The following SYNPO2 variants were observed in gnomAD, a reference collection of about 807,000 sequenced individuals.
SYNPO2 encodes the protein synaptopodin-2.
A neutral mutation model predicts 85.0 loss-of-function variants in SYNPO2; 56 were observed. The ratio of observed to expected loss-of-function variants is 0.66; its 90% CI spans 0.53 to 0.82. The LOEUF is 0.82. SYNPO2 is among the 40% of genes least tolerant of loss of function. The pLI is 0.00. For synonymous variants in SYNPO2, 602 were observed against 591.1 expected (o/e 1.02, Z -0.27); for missense variants, 1,575 against 1,534.2 (o/e 1.03, Z -0.44).
Position 118,975,598 on chromosome 4 carries a change from T to A in SYNPO2, c.106-47832T>A, listed in dbSNP as rs553848922. 1.6e-4 allele frequency among the ~76,000 whole-genome samples: 24 copies of A among 152,232 alleles called. No homozygotes were observed. In the South Asian group the frequency reaches 5.0e-3, roughly 32 times the overall value. On this transcript the variant is annotated intron_variant, in intron 1 of 4. Coordinates refer to ENST00000307142, the MANE Select transcript of SYNPO2 (RefSeq NM_133477.3). ...GAGGAGGTGCAAGGGGAAATTCCTGTCATAGAAGAGCTGGGTTACCACACA... is the reference window on the plus strand; with the variant it reads ...GAGGAGGTGCAAGGGGAAATTCCTGACATAGAAGAGCTGGGTTACCACACA...
intron 1 of SYNPO2, among the ~76,000 whole-genome samples, chr4:118,863,459 A>G (rs1239312924): frequency 6.6e-6 from 1 of 152,132 alleles, no homozygotes; most frequent in East Asian, 1.9e-4. Flanking sequence ...TGCTTATAGT[A>G]GTCACTAATA....
chr4:118,945,694 GT>G (rs1734474240), intron 1 of SYNPO2, among the ~76,000 whole-genome samples: 3 of 152,124 alleles, frequency 2.0e-5, no homozygotes, highest in African/African-American at 7.2e-5. Flanking sequence ...TTCCTCAAAA[GT>G]TTTTCTTATA....
intron 1 of SYNPO2, among the ~76,000 whole-genome samples, chr4:118,971,073 G>T (rs1048619091): frequency 6.6e-6 from 1 of 152,074 alleles, no homozygotes; most frequent in African/African-American, 2.4e-5. Flanking sequence ...CTAGTGAAAG[G>T]TCCCGTGAGC....
intron 4 of SYNPO2, among the ~76,000 whole-genome samples, chr4:119,056,414 A>G (rs1287014085): frequency 5.9e-5 from 9 of 151,978 alleles, no homozygotes; most frequent in African/African-American, 1.9e-4. Context: ...AAATTTAGCC[A>G]GGCATAGTGG....
chr4:118,857,664 A>G (rs1731530170), intron 1 of SYNPO2, among the ~76,000 whole-genome samples: 1 of 152,242 alleles, frequency 6.6e-6, no homozygotes, highest in African/African-American at 2.4e-5. Flanking sequence ...AAAATTAGTT[A>G]AAAGAAAAGC....
intron 1 of SYNPO2, among the ~76,000 whole-genome samples, chr4:118,977,296 C>T (rs533890864): frequency 3.9e-5 from 6 of 152,356 alleles, no homozygotes; most frequent in Non-Finnish European, 7.4e-5. Flanking sequence ...GGCCTGGGTG[C>T]TAAGTCCCCC....
At chr4:118,980,858 A>G (rs1194082335) in intron 1 of SYNPO2, among the ~76,000 whole-genome samples, 1 of 152,210 alleles carries the variant, frequency 6.6e-6, no homozygotes, top group African/African-American at 2.4e-5. Flanking sequence ...ACATAAGCCT[A>G]TGAACCCCTA....
intron 1 of SYNPO2, among the ~76,000 whole-genome samples, chr4:118,986,253 A>G (rs907634216): frequency 6.6e-6 from 1 of 152,216 alleles, no homozygotes; most frequent in African/African-American, 2.4e-5. Context: ...TACATTTTCT[A>G]TACTTACATT....
intron 1 of SYNPO2, among the ~76,000 whole-genome samples, chr4:118,882,843 C>T (rs1732130848): frequency 5.3e-5 from 8 of 151,608 alleles, no homozygotes; most frequent in Admixed American, 5.3e-4. Flanking sequence ...GATCTCGGCT[C>T]ACTGCAAGCT....
At position 118,879,274 on chromosome 4, in the gene SYNPO2, C is replaced by G. The variant is rs369224467; in HGVS notation, c.12+28334C>G. 6.6e-5 allele frequency among the ~76,000 whole-genome samples: 10 copies of G among 152,240 alleles called. No individual in the cohort carries two copies. In the East Asian group the frequency reaches 1.2e-3, roughly 18 times the overall value. On this transcript the variant is annotated intron_variant, in intron 1 of 4. Transcript: ENST00000610556. ...ATGAACCCACTGGAATGAACCAATT[C>G]TGAACACAGAAGTGCCAATTCAGAG...
At chr4:118,947,179 T>C (rs895004774) in intron 1 of SYNPO2, among the ~76,000 whole-genome samples, 1 of 152,228 alleles carries the variant, frequency 6.6e-6, no homozygotes, top group Non-Finnish European at 1.5e-5. Context: ...GAATTTCTCA[T>C]GATACACTTC....
intron 1 of SYNPO2, among the ~76,000 whole-genome samples, chr4:118,903,880 T>A (rs1732840365): frequency 1.3e-5 from 2 of 151,976 alleles, no homozygotes; most frequent in Admixed American, 1.3e-4. Context: ...GCCCAGCTAA[T>A]TTTTGTATTT....
At chr4:119,038,918 A>G (rs962074713) in intron 4 of SYNPO2, among the ~76,000 whole-genome samples, 2 of 150,132 alleles carry the variant, frequency 1.3e-5, no homozygotes, top group African/African-American at 4.9e-5. Context: ...TTCCTTTTAT[A>G]TATCATTGTT....
Position 119,024,498 on chromosome 4 carries a change from G to A in SYNPO2, c.257+917G>A, listed in dbSNP as rs768207760. ...TAATCATTCAGTATGATTCTGTTCCGGGATGAAAATGAACTCACTATGGCC... is the reference window on the plus strand; with the variant it reads ...TAATCATTCAGTATGATTCTGTTCCAGGATGAAAATGAACTCACTATGGCC... On this transcript the variant is annotated intron_variant, in intron 2 of 4. Coordinates refer to ENST00000307142, the MANE Select transcript of SYNPO2 (RefSeq NM_133477.3). Among the ~76,000 whole-genome samples the A allele has an allele frequency of 4.6e-5, 7 of 152,042 alleles. No homozygotes were observed. In the South Asian group the frequency reaches 8.3e-4, roughly 18 times the overall value.
At chr4:118,860,009 G>C (rs1731581511) in intron 1 of SYNPO2, among the ~76,000 whole-genome samples, 1 of 152,122 alleles carries the variant, frequency 6.6e-6, no homozygotes, top group African/African-American at 2.4e-5. Context: ...CTCAATAGTG[G>C]TTGTACTAAT....
At chr4:118,939,057 G>A (rs1477840759) in intron 1 of SYNPO2, among the ~76,000 whole-genome samples, 1 of 152,168 alleles carries the variant, frequency 6.6e-6, no homozygotes, top group African/African-American at 2.4e-5. Flanking sequence ...TTCACTGTCA[G>A]ACACCTTCCT....
chr4:118,968,855 G>T (rs1459233461), intron 1 of SYNPO2, among the ~76,000 whole-genome samples: 1 of 152,216 alleles, frequency 6.6e-6, no homozygotes, highest in East Asian at 1.9e-4. Flanking sequence ...GAGCCCTCCT[G>T]CATTTTCCAG....
At chr4:118,950,619 A>G (rs1734665125) in intron 1 of SYNPO2, among the ~76,000 whole-genome samples, 1 of 152,176 alleles carries the variant, frequency 6.6e-6, no homozygotes, top group Non-Finnish European at 1.5e-5. Context: ...TTGGAGTGTC[A>G]GAGCCAGGTA....
At chr4:118,926,897 C>T (rs891028069) in intron 1 of SYNPO2, among the ~76,000 whole-genome samples, 1 of 152,148 alleles carries the variant, frequency 6.6e-6, no homozygotes, top group African/African-American at 2.4e-5. Context: ...CTTTCATCCA[C>T]AGGGAATGAG....
Sources: gnomAD v4.1 joint callset for allele counts (sites outside exome capture counted in the v4.1 genomes callset) on GRCh38, gnomAD v4.1.1 for gene constraint, MANE v1.5 for transcripts, NCBI Gene and HGNC (gene_info 2026-07-23, HGNC 2026-07-21) for gene names.